Variants in CDK14 observed in about 807,000 individuals in gnomAD.
CDK14 encodes cyclin-dependent kinase 14.
In CDK14, 34 loss-of-function variants were observed where a neutral mutation model predicts 60.7. The ratio of observed to expected loss-of-function variants is 0.56; its 90% CI spans 0.43 to 0.75. CDK14 has a LOEUF of 0.75. Ranked by LOEUF, CDK14 falls within the 30% of genes least tolerant of loss-of-function variation. The pLI is 0.00. For synonymous variants in CDK14, 197 were observed against 203.7 expected, an observed-to-expected ratio of 0.97 and a Z score of 0.28; for missense variants, 482 against 564.1, an observed-to-expected ratio of 0.85 and a Z score of 1.47.
At chr7:90,639,916 T>G (rs577598517) in intron 2 of CDK14, among the ~76,000 whole-genome samples, 36 of 152,250 alleles carry the variant, frequency 2.4e-4, no homozygotes, top group African/African-American at 8.4e-4. Context: ...CGTAGGACCC[T>G]CCGAGCCAGG....
At chr7:91,134,983 A>C (rs1800230777) in intron 14 of CDK14, among the ~76,000 whole-genome samples, 1 of 152,144 alleles carries the variant, frequency 6.6e-6, no homozygotes, top group Non-Finnish European at 1.5e-5. Context: ...GTAGTATTCA[A>C]ATATGTATGT....
At chr7:90,913,730 T>G (rs1792983638) in intron 7 of CDK14, among the ~76,000 whole-genome samples, 1 of 152,158 alleles carries the variant, frequency 6.6e-6, no homozygotes, top group East Asian at 1.9e-4. Flanking sequence ...ACTTCAGTCT[T>G]TCTTCCTAGG....
intron 12 of CDK14, among the ~76,000 whole-genome samples, chr7:91,080,889 A>C (rs1798467306): frequency 6.6e-6 from 1 of 152,236 alleles, no homozygotes; most frequent in African/African-American, 2.4e-5. Context: ...TTATCATTAG[A>C]ATTAATTCAA....
rs185989046 is a variant in CDK14, at chr7:90,976,080, G to A, written c.948-8068G>A. Among the ~76,000 whole-genome samples the A allele has an allele frequency of 2.1e-3, 321 of 152,146 alleles. 2 individuals carry two copies. The highest frequency in any genetic ancestry group is 3.6e-3 in the Non-Finnish European group (244 of 67,994). On this transcript the variant is annotated intron_variant, in intron 9 of 14. Coordinates refer to ENST00000380050, the MANE Select transcript of CDK14 (RefSeq NM_001287135.2). ...AGTAGTGGGATGGCTAGCTCATATGGTAGTTCTATTTGTAGTTTTTTGAGA... is the reference window on the plus strand; with the variant it reads ...AGTAGTGGGATGGCTAGCTCATATGATAGTTCTATTTGTAGTTTTTTGAGA...
At chr7:91,064,644 C>T (rs1797919230) in intron 11 of CDK14, among the ~76,000 whole-genome samples, 1 of 152,162 alleles carries the variant, frequency 6.6e-6, no homozygotes, top group Admixed American at 6.5e-5. Context: ...CAGCCTCAGG[C>T]AACTCAACCT....
rs185631614 is a variant in CDK14 at position 90,727,424 on chromosome 7, A to G, written c.369+612A>G. The stretch of plus-strand genomic sequence containing the variant: ...TGTTAGAGGGAAACAGACTTTAGAT[A>G]TAACTAGTGATTTACAAGTTAGAAA... On this transcript the variant is annotated intron_variant, in intron 3 of 14. Coordinates refer to ENST00000380050, the MANE Select transcript of CDK14 (RefSeq NM_001287135.2). Among the ~76,000 whole-genome samples, 35 of 152,300 alleles carry G rather than the reference A, an allele frequency of 2.3e-4. 1 individual carries two copies. The highest frequency in any genetic ancestry group is 7.7e-4 in the African/African-American group (32 of 41,572).
intron 3 of CDK14, among the ~76,000 whole-genome samples, chr7:90,743,626 A>G (rs990958660): frequency 6.6e-6 from 1 of 151,782 alleles, no homozygotes; most frequent in Non-Finnish European, 1.5e-5. Context: ...TTCTCACTTT[A>G]TTGCTACCAA....
intron 12 of CDK14, among the ~76,000 whole-genome samples, chr7:91,082,210 C>T (rs1352621992): frequency 6.6e-6 from 1 of 152,182 alleles, no homozygotes; most frequent in African/African-American, 2.4e-5. Context: ...AGTGTATGCT[C>T]TCCAGCAAAG....
intron 2 of CDK14, among the ~76,000 whole-genome samples, chr7:90,620,727 G>T (rs1336327108): frequency 2.6e-5 from 4 of 152,168 alleles, no homozygotes; most frequent in African/African-American, 7.2e-5. Flanking sequence ...TGCTGCACGT[G>T]ACATTTGGGC....
At chr7:91,176,621 G>A (rs1254902831) in intron 14 of CDK14, among the ~76,000 whole-genome samples, 1 of 152,036 alleles carries the variant, frequency 6.6e-6, no homozygotes, top group Admixed American at 6.5e-5. Context: ...AAATGATAAA[G>A]GGCATATCAC....
At chr7:91,130,408 A>C (rs76308846) in intron 14 of CDK14, among the ~76,000 whole-genome samples, 4,651 of 152,284 alleles carry the variant, frequency 0.031, 100 homozygotes, top group Non-Finnish European at 0.051. Flanking sequence ...CAGCAGCTAC[A>C]AACCATAGAA....
chr7:90,856,159 A>G (rs143969266), intron 5 of CDK14, among the ~76,000 whole-genome samples: 2,268 of 152,332 alleles, frequency 0.015, 21 homozygotes, highest in Non-Finnish European at 0.022. Context: ...ATTTTGGATG[A>G]CATCTGGTGA....
At chr7:90,829,356 T>C (rs1374054214) in intron 5 of CDK14, among the ~76,000 whole-genome samples, 1 of 152,162 alleles carries the variant, frequency 6.6e-6, no homozygotes, top group African/African-American at 2.4e-5. Context: ...AAGTCCCATC[T>C]GACACAAGCA....
intron 14 of CDK14, among the ~76,000 whole-genome samples, chr7:91,199,173 T>C (rs1366728448): frequency 6.6e-6 from 1 of 152,210 alleles, no homozygotes; most frequent in Non-Finnish European, 1.5e-5. Context: ...ATGAAATCTT[T>C]GAAAAGAATA....
chr7:91,171,913 C>T (rs1435079353), intron 14 of CDK14, among the ~76,000 whole-genome samples: 2 of 152,174 alleles, frequency 1.3e-5, no homozygotes, highest in South Asian at 4.1e-4. Context: ...TCTCAAAGTA[C>T]TGGGATGTGA....
At chr7:90,861,881 A>T (rs1791021303) in intron 5 of CDK14, among the ~76,000 whole-genome samples, 1 of 152,202 alleles carries the variant, frequency 6.6e-6, no homozygotes, top group Non-Finnish European at 1.5e-5. Flanking sequence ...GAAAATAGGG[A>T]TTAGTGCATT....
chr7:90,744,486 C>T (rs992159013), intron 3 of CDK14, among the ~76,000 whole-genome samples: 4 of 151,622 alleles, frequency 2.6e-5, no homozygotes, highest in East Asian at 3.9e-4. Flanking sequence ...TCCACAAAAC[C>T]GCCATTGTCA....
chr7:90,720,362 G>A (rs1369841215), intron 2 of CDK14, among the ~76,000 whole-genome samples: 1 of 152,168 alleles, frequency 6.6e-6, no homozygotes, highest in Non-Finnish European at 1.5e-5. Context: ...AAGAAAGCAT[G>A]TGTGAAGGAC....
At chr7:90,702,298 G>T (rs1431060566) in intron 2 of CDK14, among the ~76,000 whole-genome samples, 1 of 152,112 alleles carries the variant, frequency 6.6e-6, no homozygotes, top group African/African-American at 2.4e-5. Flanking sequence ...CTATGTTACC[G>T]AATACAAAAG....
Sources: gnomAD v4.1 joint callset for allele counts (sites outside exome capture counted in the v4.1 genomes callset) on GRCh38, gnomAD v4.1.1 for gene constraint, MANE v1.5 for transcripts, NCBI Gene and HGNC (gene_info 2026-07-23, HGNC 2026-07-21) for gene names.